FARSB: variants seen among roughly 807,000 people sequenced by gnomAD.
FARSB encodes phenylalanyl-tRNA synthetase subunit beta.
FARSB carries 40 observed loss-of-function variants against 69.6 expected under a neutral mutation model. That is an observed-to-expected ratio of 0.57 (90% CI 0.45 to 0.75). FARSB has a LOEUF of 0.75. Ranked by LOEUF, FARSB falls within the 30% of genes least tolerant of loss-of-function variation. The pLI, the probability that FARSB is intolerant of heterozygous loss-of-function variation, is 0.00. For synonymous variants in FARSB, 235 were observed against 247.2 expected (o/e 0.95, Z 0.46); for missense variants, 632 against 722.9 (o/e 0.87, Z 1.44).
intron 6 of FARSB, 94 bp from the exon 7 acceptor site, chr2:222,633,401 C>T (rs949330325): frequency 1.1e-4 from 70 of 614,118 alleles, no homozygotes; most frequent in African/African-American, 5.5e-4. Flanking sequence ...AAGAAGAGAA[C>T]GCCAGGTGTG....
In FARSB at chr2:222,639,593, G is replaced by T; in HGVS notation, c.442C>A (p.Gln148Lys). Residue 148 changes from glutamine (Q) to lysine (K), a missense_variant, in exon 5 of 17, where the codon CAG (glutamine) becomes AAG (lysine). By Grantham distance (53) the Gln-to-Lys change is moderately conservative (BLOSUM62 1). Transcript: ENST00000281828. ...SFIELQEKLHQNICRKRALVA... is the reference protein window; with the variant it reads ...SFIELQEKLHKNICRKRALVA... ...GCAACCACAAACCTGCAAATATTCT[G>T]ATGTAATTTCTCCTGAAGTTCAATG... is the stretch of plus-strand genomic sequence containing the variant. 6.5e-7 allele frequency: 1 copy of T among 1,549,722 alleles called. No homozygotes were observed. Among genetic ancestry groups the T allele is most frequent in the Non-Finnish European group, 8.8e-7 (1 of 1,131,052 alleles).
chr2:222,631,623 G>A lies in FARSB; in HGVS notation c.767C>T (p.Thr256Met), dbSNP rs753710639. 3.5e-5 allele frequency: 55 copies of A among 1,562,032 alleles called. No homozygotes were observed. Among genetic ancestry groups the A allele is most frequent in the African/African-American group, 8.1e-5 (6 of 73,796 alleles). ...VNTRNIFIEC[T>M]GTDFTKAKIV... is the part of the protein sequence containing the mutation. ...ACTTACCTTAGTAAAGTCAGTTCCC[G>A]TGCATTCAATAAAAATATTTCTAGT... Residue 256 changes from threonine (T) to methionine (M), a missense_variant, in exon 8 of 17, where the codon ACG becomes ATG. By Grantham distance (81) the Thr-to-Met change is moderately conservative. Coordinates refer to ENST00000281828, the MANE Select transcript of FARSB (RefSeq NM_005687.5).
chr2:222,575,469 A>G (rs1050899668), intron 16 of FARSB, among the ~76,000 whole-genome samples: 2 of 152,230 alleles, frequency 1.3e-5, no homozygotes, highest in South Asian at 2.1e-4. Context: ...TATAAAGTAC[A>G]TTAGTTTTCT....
chr2:222,626,028 C>T lies in FARSB; in HGVS notation c.901-1253G>A, dbSNP rs1691260384. On this transcript the variant is annotated intron_variant, in intron 10 of 16. Transcript: ENST00000281828. ...TTGGGAGGCCGAGGTGGGTGGATCA[C>T]CTGAGGTCAGGAGTTCGAGACCAGC... is the stretch of plus-strand genomic sequence containing the variant. 2.6e-5 allele frequency among the ~76,000 whole-genome samples: 4 copies of T among 152,076 alleles called. No homozygotes were observed. In the South Asian group the frequency reaches 8.3e-4, roughly 31 times the overall value.
intron 16 of FARSB, among the ~76,000 whole-genome samples, chr2:222,581,386 A>G (rs1689965743): frequency 6.6e-6 from 1 of 152,234 alleles, no homozygotes; most frequent in Non-Finnish European, 1.5e-5. Flanking sequence ...ACTGGAGAAG[A>G]CAGATCTCTA....
intron 16 of FARSB, among the ~76,000 whole-genome samples, chr2:222,574,920 T>C (rs1574906283): frequency 6.6e-6 from 1 of 152,332 alleles, no homozygotes; most frequent in African/African-American, 2.4e-5. Flanking sequence ...AGATATTACA[T>C]GTAAACTAGA....
At chr2:222,602,140 C>T (rs112526355) in intron 15 of FARSB, among the ~76,000 whole-genome samples, 4,342 of 152,168 alleles carry the variant, frequency 0.029, 104 homozygotes, top group African/African-American at 0.066. Context: ...CAAAAGGCTA[C>T]AGACAGTATG....
At chr2:222,640,760 C>T in intron 4 of FARSB, 102 bp downstream of exon 4, 1 of 571,758 alleles carries the variant, frequency 1.7e-6, no homozygotes, top group Non-Finnish European at 3.0e-6. Flanking sequence ...TGTCTCAAAA[C>T]AAAAAAAAAA....
At chr2:222,616,707 T>G (rs905138135) in intron 14 of FARSB, among the ~76,000 whole-genome samples, 1 of 152,182 alleles carries the variant, frequency 6.6e-6, no homozygotes, top group Non-Finnish European at 1.5e-5. Context: ...TTTAGCCAAG[T>G]TACATTTTTA....
At chr2:222,592,573 G>A (rs574613038) in intron 16 of FARSB, among the ~76,000 whole-genome samples, 1 of 151,352 alleles carries the variant, frequency 6.6e-6, no homozygotes, top group African/African-American at 2.4e-5. Flanking sequence ...GAACTTTCAG[G>A]ACCCGGGCCC....
intron 2 of FARSB, among the ~76,000 whole-genome samples, chr2:222,644,075 G>C (rs1047063241): frequency 6.6e-6 from 1 of 152,186 alleles, no homozygotes; most frequent in Non-Finnish European, 1.5e-5. Context: ...TAAAATAACT[G>C]ATGGATTTCT....
At chr2:222,601,777 C>A (rs1690568200) in intron 15 of FARSB, among the ~76,000 whole-genome samples, 1 of 152,170 alleles carries the variant, frequency 6.6e-6, no homozygotes, top group South Asian at 2.1e-4. Flanking sequence ...AATCCTCCCA[C>A]CTTAGCCTCC....
chr2:222,580,636 A>G (rs1332575925), intron 16 of FARSB, among the ~76,000 whole-genome samples: 1 of 152,218 alleles, frequency 6.6e-6, no homozygotes, highest in Non-Finnish European at 1.5e-5. Context: ...CTCATCTTGT[A>G]CAACACCAAT....
chr2:222,596,762 A>G (rs1690427338), intron 16 of FARSB, among the ~76,000 whole-genome samples: 2 of 152,094 alleles, frequency 1.3e-5, no homozygotes, highest in South Asian at 4.1e-4. Flanking sequence ...CTGAAAAACA[A>G]TTTTGTTCCT....
In FARSB at chr2:222,607,742, T is replaced by A. The variant is rs188241160; in HGVS notation, c.1462+6069A>T. 1.5e-3 allele frequency among the ~76,000 whole-genome samples: 221 copies of A among 152,200 alleles called. 1 individual carries two copies. Among genetic ancestry groups the A allele is most frequent in the Admixed American group, 0.013 (193 of 15,278 alleles). On this transcript the variant is annotated intron_variant, in intron 15 of 16. Coordinates refer to ENST00000281828, the MANE Select transcript of FARSB (RefSeq NM_005687.5). ...AAAACATCACAAATATATTTTCAAT[T>A]TTTTTAAAAAGAAATAAAGCTTAAG...
intron 16 of FARSB, among the ~76,000 whole-genome samples, chr2:222,588,748 C>T (rs1415696364): frequency 6.8e-6 from 1 of 147,414 alleles, no homozygotes; most frequent in East Asian, 1.9e-4. Flanking sequence ...CGTGAGTGAA[C>T]TCCCATTCAC....
intron 13 of FARSB, among the ~76,000 whole-genome samples, chr2:222,622,069 C>A (rs918850421): frequency 1.3e-5 from 2 of 152,178 alleles, no homozygotes; most frequent in Non-Finnish European, 2.9e-5. Flanking sequence ...GATCCACAGC[C>A]ATGGCGTAGG....
intron 5 of FARSB, among the ~76,000 whole-genome samples, chr2:222,634,935 G>C (rs187374703): frequency 6.6e-6 from 1 of 152,074 alleles, no homozygotes; most frequent in East Asian, 1.9e-4. Flanking sequence ...AAATTAGAAC[G>C]AACTATCGAA....
At chr2:222,618,279 T>G (rs893215596) in intron 14 of FARSB, among the ~76,000 whole-genome samples, 3 of 152,216 alleles carry the variant, frequency 2.0e-5, no homozygotes, top group Non-Finnish European at 4.4e-5. Flanking sequence ...ATTTTTAAAT[T>G]TAGTTTTAAA....
Sources: allele counts gnomAD v4.1 joint callset (sites outside exome capture counted in the v4.1 genomes callset), GRCh38; gene constraint gnomAD v4.1.1; transcripts MANE v1.5; gene names NCBI Gene and HGNC (gene_info 2026-07-23, HGNC 2026-07-21).